The following CHST10 variants were observed in gnomAD, a reference collection of about 807,000 sequenced individuals.
CHST10 encodes carbohydrate sulfotransferase 10, also known as HNK-1 sulfotransferase.
In CHST10, 24 loss-of-function variants were observed where a neutral mutation model predicts 34.7. The observed-to-expected ratio is 0.69, with a 90% confidence interval of 0.50 to 0.97. CHST10 has a LOEUF of 0.97. Ranked by LOEUF, CHST10 falls within the 50% of genes least tolerant of loss-of-function variation. The pLI is 0.00. For missense variants in CHST10, 402 were observed against 452.1 expected (o/e 0.89, Z 1.00); for synonymous variants, 161 against 169.3 (o/e 0.95, Z 0.38).
intron 5 of CHST10, among the ~76,000 whole-genome samples, chr2:100,395,925 T>C (rs1375635649): frequency 1.3e-5 from 2 of 152,172 alleles, no homozygotes; most frequent in Non-Finnish European, 2.9e-5. Flanking sequence ...CTGGGCTAAA[T>C]CTGCCATTAG....
chr2:100,410,818 G>A lies in CHST10; in HGVS notation c.-32-4111C>T, dbSNP rs138664454. Among the ~76,000 whole-genome samples, 565 of 152,204 alleles carry A rather than the reference G, an allele frequency of 3.7e-3. 2 individuals are homozygous for A. The highest frequency in any genetic ancestry group is 6.6e-3 in the South Asian group (32 of 4,814). The stretch of plus-strand genomic sequence containing the variant: ...ATTGGGGGGTTTAGGAAATCATGCC[G>A]AAGTCCAAAAACATTTTCATTTCAA... On this transcript the variant is annotated intron_variant, in intron 2 of 6. Transcript: ENST00000264249.
At chr2:100,403,157 T>C (rs1190204609) in intron 3 of CHST10, among the ~76,000 whole-genome samples, 2 of 152,032 alleles carry the variant, frequency 1.3e-5, no homozygotes, top group African/African-American at 4.8e-5. Flanking sequence ...CACTGGAGAG[T>C]ATCCGCAGAT....
At chr2:100,406,506 T>G in intron 3 of CHST10, 70 bp downstream of exon 3, 1 of 1,581,478 alleles carries the variant, frequency 6.3e-7, no homozygotes, top group Admixed American at 1.7e-5. Context: ...CATCTATGCA[T>G]GTACCTAGGA....
rs773580875 is a variant in CHST10, at chr2:100,398,064, C to T, written c.271G>A (p.Val91Ile). Residue 91 changes from valine (V) to isoleucine (I), a missense_variant, in exon 5 of 7, where the codon GTC becomes ATC. Transcript: ENST00000264249. The stretch of plus-strand genomic sequence containing the variant: ...TTCTTCAGGGCATCATCCCTGCAGA[C>T]GTTTCTGATGAGTTCCAGGCGCTCC... ...YMERLELIRN[V>I]CRDDALKNLS... 1.7e-5 allele frequency: 27 copies of T among 1,614,186 alleles called. No individual in the cohort carries two copies. The South Asian group carries it at 1.9e-4, about 11-fold the overall frequency.
intron 6 of CHST10, among the ~76,000 whole-genome samples, chr2:100,394,947 G>A (rs1674984183): frequency 6.6e-6 from 1 of 151,640 alleles, no homozygotes; most frequent in South Asian, 2.1e-4. Flanking sequence ...TTGAACTCCT[G>A]ACTTCAAATG....
In CHST10 at chr2:100,393,680, C is replaced by A. The variant is rs1035002511; in HGVS notation, c.636G>T (p.Trp212Cys). 2.5e-6 allele frequency: 4 copies of A among 1,613,950 alleles called. No homozygotes were observed. Among genetic ancestry groups the A allele is most frequent in the Non-Finnish European group, 3.4e-6 (4 of 1,180,036 alleles). Residue 212 changes from tryptophan to cysteine, a missense_variant, in exon 7 of 7, where the codon TGG becomes TGT. Coordinates refer to ENST00000264249, the MANE Select transcript of CHST10 (RefSeq NM_004854.5). ...KFVHNPRFEPWYRHEIAPGII... is the reference protein window; with the variant it reads ...KFVHNPRFEPCYRHEIAPGII... ...TGCCAGGAGCAATCTCATGCCTGTA[C>A]CAAGGCTCAAACCGGGGATTGTGAA...
At chr2:100,413,908 A>T (rs1164074136) in intron 2 of CHST10, among the ~76,000 whole-genome samples, 1 of 152,174 alleles carries the variant, frequency 6.6e-6, no homozygotes, top group African/African-American at 2.4e-5. Flanking sequence ...ACATTTTTTC[A>T]TTCAGCAATA....
intron 3 of CHST10, among the ~76,000 whole-genome samples, chr2:100,405,285 G>A (rs1019064094): frequency 2.0e-5 from 3 of 152,138 alleles, no homozygotes; most frequent in Admixed American, 6.5e-5. Flanking sequence ...ATCACCTCCC[G>A]AGGCTGTGCA....
chr2:100,415,711 T>G (rs1676037061), intron 1 of CHST10: 1 of 152,288 alleles, frequency 6.6e-6, no homozygotes, highest in South Asian at 2.1e-4. Flanking sequence ...AGCAATTTCC[T>G]ATTATGTTGA....
chr2:100,398,876 G>C (rs978930082), intron 4 of CHST10, among the ~76,000 whole-genome samples: 2 of 152,112 alleles, frequency 1.3e-5, no homozygotes, highest in Admixed American at 6.5e-5. Context: ...GCATGGGTTG[G>C]AGGGGGCACA....
chr2:100,394,449 C>G (rs1279136985), intron 6 of CHST10, among the ~76,000 whole-genome samples: 1 of 152,200 alleles, frequency 6.6e-6, no homozygotes, highest in African/African-American at 2.4e-5. Context: ...TGTCTTCACT[C>G]ACTGAGTCTC....
intron 4 of CHST10, among the ~76,000 whole-genome samples, chr2:100,401,823 G>C (rs1379206297): frequency 6.6e-6 from 1 of 152,144 alleles, no homozygotes; most frequent in Non-Finnish European, 1.5e-5. Context: ...GTGACCCATG[G>C]ATAGGAGCTG....
At chr2:100,396,925 C>T (rs921965179) in intron 5 of CHST10, among the ~76,000 whole-genome samples, 1 of 152,206 alleles carries the variant, frequency 6.6e-6, no homozygotes, top group Admixed American at 6.5e-5. Flanking sequence ...GAAAACCCAA[C>T]ATGCTATCCA....
At chr2:100,413,278 G>A (rs1675923562) in intron 2 of CHST10, among the ~76,000 whole-genome samples, 2 of 152,048 alleles carry the variant, frequency 1.3e-5, no homozygotes, top group African/African-American at 4.8e-5. Flanking sequence ...AGCAGAACCT[G>A]AGCCCCTACA....
At chr2:100,417,126 C>T (rs952102789) in intron 1 of CHST10, 7 of 1,151,752 alleles carry the variant, frequency 6.1e-6, no homozygotes, top group Non-Finnish European at 7.0e-6. Flanking sequence ...ATTGTAGGCT[C>T]GCACAATATC....
At position 100,393,353 on chromosome 2, in the gene CHST10, C is replaced by T. The variant is rs150991817; in HGVS notation, c.963G>A (p.Glu321=). 3 of 1,614,196 alleles carry T rather than the reference C, an allele frequency of 1.9e-6. No individual in the cohort carries two copies. Among genetic ancestry groups the T allele is most frequent in the Non-Finnish European group, 2.5e-6 (3 of 1,180,038 alleles). Residue 321 remains glutamate (E), a synonymous_variant, in exon 7 of 7, where the codon GAG becomes GAA. Coordinates refer to ENST00000264249, the MANE Select transcript of CHST10 (RefSeq NM_004854.5). The part of the protein sequence containing the change: ...GITVYNRTKV[E]HYFLGISKRD... Reference sequence around the variant, plus strand: ...GTTTGCTGATGCCCAGGAAATAGTGCTCCACCTTGGTTCTGTTATACACGG... The same window carrying T: ...GTTTGCTGATGCCCAGGAAATAGTGTTCCACCTTGGTTCTGTTATACACGG...
rs758714139 is a variant in CHST10 at position 100,393,185 on chromosome 2, G to C, written c.*60C>G. On this transcript the variant is annotated 3_prime_UTR_variant, in exon 7 of 7. Transcript: ENST00000264249. ...GGAGGAAGGGTCATTTCTGGGCTCA[G>C]ATCTTCACCTGGTTAGCCCCAGGTC... 1.3e-6 allele frequency: 2 copies of C among 1,557,562 alleles called. No individual in the cohort carries two copies. Among genetic ancestry groups the C allele is most frequent in the Non-Finnish European group, 1.8e-6 (2 of 1,142,436 alleles).
intron 2 of CHST10, chr2:100,407,760 C>T (rs1675644667): frequency 6.6e-6 from 1 of 152,180 alleles, no homozygotes; most frequent in Admixed American, 6.5e-5. Context: ...TCCGGCCACA[C>T]CTGAATACAG....
At chr2:100,407,446 C>A (rs1675629389) in intron 2 of CHST10, among the ~76,000 whole-genome samples, 1 of 152,166 alleles carries the variant, frequency 6.6e-6, no homozygotes, top group African/African-American at 2.4e-5. Flanking sequence ...TTTCATTTCA[C>A]CTTTAACACA....
Sources: allele counts gnomAD v4.1 joint callset (sites outside exome capture counted in the v4.1 genomes callset), GRCh38; gene constraint gnomAD v4.1.1; transcripts MANE v1.5; gene names NCBI Gene and HGNC (gene_info 2026-07-23, HGNC 2026-07-21).